Variants in RER1 observed in about 807,000 individuals in gnomAD.
RER1 encodes the protein protein RER1.
A neutral mutation model predicts 28.3 loss-of-function variants in RER1; 6 were observed. The observed-to-expected ratio is 0.21, with a 90% CI of 0.12 to 0.42. The LOEUF (loss-of-function observed/expected upper bound fraction) is 0.42, where lower values mean the gene tolerates loss of function less well. RER1 is among the 10% of genes least tolerant of loss of function. The pLI is 1.00. For missense variants in RER1, 159 were observed against 252.9 expected, an observed-to-expected ratio of 0.63 and a Z score of 2.52; for synonymous variants, 110 against 95.9, an observed-to-expected ratio of 1.15 and a Z score of -0.86.
chr1:2,398,682 C>T (rs1043670581), intron 3 of RER1, among the ~76,000 whole-genome samples: 2 of 152,270 alleles, frequency 1.3e-5, no homozygotes, highest in Non-Finnish European at 2.9e-5. Flanking sequence ...AGCCACCACA[C>T]CCGACAGAAA....
chr1:2,393,986 C>T (rs940693804), intron 1 of RER1: 6 of 152,176 alleles, frequency 3.9e-5, no homozygotes, highest in South Asian at 4.1e-4. Context: ...ACTCTCATCA[C>T]CTCCAGTCCA....
chr1:2,399,682 C>T (rs1408435700), intron 4 of RER1, among the ~76,000 whole-genome samples, 168 bp downstream of exon 4: 1 of 152,206 alleles, frequency 6.6e-6, no homozygotes, highest in Non-Finnish European at 1.5e-5. Context: ...TTCAAACCCT[C>T]CTGACAGCCA....
At chr1:2,399,770 G>A (rs527369284) in intron 4 of RER1, among the ~76,000 whole-genome samples, 1 of 152,310 alleles carries the variant, frequency 6.6e-6, no homozygotes, top group African/African-American at 2.4e-5. Flanking sequence ...ACGTGTTCGA[G>A]GTCACATGGC....
intron 6 of RER1, 120 bp from the exon 7 acceptor site, chr1:2,402,915 C>T: frequency 1.3e-6 from 1 of 782,448 alleles, no homozygotes; most frequent in Non-Finnish European, 2.1e-6. Flanking sequence ...CACTGGGGCT[C>T]CGATTCCACT....
intron 6 of RER1, 42 bp from the exon 7 acceptor site, chr1:2,402,986 TGACTGGA>T: frequency 6.7e-7 from 1 of 1,497,470 alleles, no homozygotes; most frequent in Non-Finnish European, 9.3e-7. Flanking sequence ...ACAGTGTGAC[TGACTGGA>T]GAGCGGTTGT....
At chr1:2,400,021 T>C (rs1282232990) in intron 4 of RER1, among the ~76,000 whole-genome samples, 2 of 152,238 alleles carry the variant, frequency 1.3e-5, no homozygotes, top group Admixed American at 1.3e-4. Context: ...TGAGCTGAAG[T>C]GTTCCTGGTG....
chr1:2,398,544 A>G (rs1642801138), intron 3 of RER1, among the ~76,000 whole-genome samples: 1 of 152,148 alleles, frequency 6.6e-6, no homozygotes, highest in African/African-American at 2.4e-5. Context: ...ATGTGCCACC[A>G]TGCCTGGCTA....
In RER1 at chr1:2,405,204, C is replaced by G; in HGVS notation, c.*2080C>G. The G allele has an allele frequency of 4.9e-6, 1 of 204,834 alleles. No individual in the cohort carries two copies. Among genetic ancestry groups the G allele is most frequent in the Non-Finnish European group, 1.0e-5 (1 of 99,354 alleles). 12.7% of individuals were successfully genotyped at this position (204,834 alleles called of 1,614,324 possible). On this transcript the variant is annotated 3_prime_UTR_variant, in exon 7 of 7. Transcript: ENST00000605895. ...CTGGCCTTGGTTGGTTTCTCTCTGC[C>G]CCGTGTGGTCATCAAGTCCTGGGGG... is the stretch of plus-strand genomic sequence containing the variant.
chr1:2,402,200 C>T lies in RER1; in HGVS notation c.366-7C>T, dbSNP rs1323277495. 6.2e-7 allele frequency: 1 copy of T among 1,614,178 alleles called. No individual in the cohort carries two copies. The highest frequency in any genetic ancestry group is 8.5e-7 in the Non-Finnish European group (1 of 1,180,032). On this transcript the variant is annotated splice_polypyrimidine_tract_variant and splice_region_variant and intron_variant, in intron 5 of 6. Coordinates refer to ENST00000605895, the MANE Select transcript of RER1 (RefSeq NM_007033.5). ...ATGCGGCGCTAACCTTCTCTCCCCA[C>T]TTGAAGGCATGCGGCTACCAAGGGC...
At position 2,404,989 on chromosome 1, in the gene RER1, C is replaced by G. The variant is rs1642949385; in HGVS notation, c.*1865C>G. 6.5e-6 allele frequency: 1 copy of G among 154,614 alleles called. No homozygotes were observed. Among genetic ancestry groups the G allele is most frequent in the African/African-American group, 2.4e-5 (1 of 41,596 alleles). 9.6% of individuals were successfully genotyped at this position (154,614 alleles called of 1,614,324 possible). On this transcript the variant is annotated 3_prime_UTR_variant, in exon 7 of 7. Transcript: ENST00000605895. ...GTCAGCAGGTCGCCTGCCCAGCAGG[C>G]CCCCCAGGAGAGGGCTCGGGCGCCC...
At chr1:2,401,267 C>CCTCCCTCCTCCT (rs1557903757) in intron 5 of RER1, among the ~76,000 whole-genome samples, 2 of 29,156 alleles carry the variant, frequency 6.9e-5, no homozygotes, top group Non-Finnish European at 1.5e-4. Flanking sequence ...CCCTCCTCCA[C>CCTCCCTCCTCCT]CCTCCCTCCT....
intron 1 of RER1, chr1:2,395,461 C>A: frequency 2.8e-6 from 1 of 361,104 alleles, no homozygotes; most frequent in Non-Finnish European, 5.3e-6. Flanking sequence ...ATGGACCAGC[C>A]AGTGGACCCC....
intron 4 of RER1, among the ~76,000 whole-genome samples, chr1:2,400,163 A>G (rs564137897): frequency 1.8e-4 from 28 of 152,352 alleles, no homozygotes; most frequent in African/African-American, 6.7e-4. Flanking sequence ...CGTGGTGGCC[A>G]TTGAGGGAAA....
intron 5 of RER1, 38 bp downstream of exon 5, chr1:2,400,973 C>G (rs2100405380): frequency 6.5e-7 from 1 of 1,542,596 alleles, no homozygotes. Flanking sequence ...GAGAATTGTG[C>G]TCAAGGGTGG....
intron 3 of RER1, among the ~76,000 whole-genome samples, chr1:2,398,087 G>A (rs1284171727): frequency 2.6e-5 from 4 of 152,228 alleles, no homozygotes; most frequent in Non-Finnish European, 5.9e-5. Flanking sequence ...CAGGGGGCGG[G>A]AAGAGTGCAG....
intron 3 of RER1, among the ~76,000 whole-genome samples, chr1:2,397,426 G>A (rs2100400907): frequency 6.6e-6 from 1 of 152,320 alleles, no homozygotes; most frequent in South Asian, 2.1e-4. Context: ...GCCTCGCCAG[G>A]CTTCTCAGTA....
At chr1:2,402,918 A>C in intron 6 of RER1, 117 bp from the exon 7 acceptor site, 1 of 806,014 alleles carries the variant, frequency 1.2e-6, no homozygotes, top group Non-Finnish European at 2.1e-6. Context: ...TGGGGCTCCG[A>C]TTCCACTTGT....
intron 2 of RER1, among the ~76,000 whole-genome samples, chr1:2,396,560 TAAAA>T (rs750008500): frequency 6.6e-6 from 1 of 152,242 alleles, no homozygotes; most frequent in South Asian, 2.1e-4. Context: ...TAAATTAAAA[TAAAA>T]AACCATACAT....
chr1:2,396,965 CTGATACATAGA>C, intron 2 of RER1, 140 bp from the exon 3 acceptor site: 1 of 571,642 alleles, frequency 1.7e-6, no homozygotes, highest in Non-Finnish European at 3.2e-6. Flanking sequence ...CTTCTTTGTG[CTGATACATAGA>C]TGATCTCTTG....
Sources: allele counts gnomAD v4.1 joint callset (sites outside exome capture counted in the v4.1 genomes callset), GRCh38; gene constraint gnomAD v4.1.1; transcripts MANE v1.5; gene names NCBI Gene and HGNC (gene_info 2026-07-23, HGNC 2026-07-21).